TMCO4: variants seen among roughly 807,000 people sequenced by gnomAD.
The protein encoded by TMCO4 is transmembrane and coiled-coil domain-containing protein 4.
A neutral mutation model predicts 64.7 loss-of-function variants in TMCO4; 58 were observed. The observed-to-expected ratio is 0.90, with a 90% confidence interval of 0.73 to 1.12. TMCO4 has a LOEUF of 1.12. Among genes scored for constraint, TMCO4 ranks in the 50% most tolerant of loss-of-function variants. The pLI, the probability that TMCO4 is intolerant of heterozygous loss-of-function variation, is 0.00. For missense variants in TMCO4, 780 were observed against 825.9 expected, an observed-to-expected ratio of 0.94 and a Z score of 0.68; for synonymous variants, 325 against 346.1, an observed-to-expected ratio of 0.94 and a Z score of 0.68.
intron 4 of TMCO4, among the ~76,000 whole-genome samples, chr1:19,775,824 G>A (rs2043179721): frequency 6.6e-6 from 1 of 152,248 alleles, no homozygotes; most frequent in African/African-American, 2.4e-5. Context: ...TATCCTGTGG[G>A]ATCAAGAACG....
intron 13 of TMCO4, among the ~76,000 whole-genome samples, chr1:19,708,880 G>C (rs547588824): frequency 6.6e-6 from 1 of 152,326 alleles, no homozygotes; most frequent in Admixed American, 6.5e-5. Flanking sequence ...CTCCCTCCTG[G>C]TGGGGGTTCA....
At chr1:19,785,043 G>GT (rs1213023894) in intron 3 of TMCO4, among the ~76,000 whole-genome samples, 1 of 152,058 alleles carries the variant, frequency 6.6e-6, no homozygotes, top group Non-Finnish European at 1.5e-5. Context: ...CCCCACACCG[G>GT]TCTTGTTCAC....
intron 7 of TMCO4, among the ~76,000 whole-genome samples, chr1:19,754,933 T>C (rs995583611): frequency 3.9e-5 from 6 of 151,986 alleles, no homozygotes; most frequent in African/African-American, 1.5e-4. Context: ...GATAAGAACA[T>C]TGCAGCTTAA....
At position 19,740,801 on chromosome 1, in the gene TMCO4, C is replaced by T. The variant is rs1270209247; in HGVS notation, c.1018G>A (p.Ala340Thr). The part of the protein sequence containing the change: ...SGLANMVAQE[A>T]LKYTVLSGIV... ...CCAGACAACACTGTGTACTTTAGGG[C>T]CTCCTGGGCCACCATGTTGGCGAGA... Residue 340 changes from alanine to threonine, a missense_variant, in exon 11 of 16, where the codon GCC becomes ACC. Ala to Thr is a moderately conservative substitution (Grantham distance 58). Coordinates refer to ENST00000294543, the MANE Select transcript of TMCO4 (RefSeq NM_181719.7). 1.2e-6 allele frequency: 2 copies of T among 1,613,186 alleles called. No homozygotes were observed. The highest frequency in any genetic ancestry group is 1.1e-5 in the South Asian group (1 of 90,868).
chr1:19,770,665 G>T, intron 5 of TMCO4, 96 bp from the exon 6 acceptor site: 1 of 1,322,378 alleles, frequency 7.6e-7, no homozygotes, highest in Non-Finnish European at 1.0e-6. Flanking sequence ...GGCAGAACAA[G>T]ACAGACAAAA....
chr1:19,697,891 G>T (rs35129869), intron 14 of TMCO4, among the ~76,000 whole-genome samples: 19,792 of 151,840 alleles, frequency 0.13, 1,574 homozygotes, highest in East Asian at 0.27. Context: ...TGGGATTACA[G>T]GTGTGAGCCA....
At chr1:19,700,080 T>G (rs1312107995) in intron 14 of TMCO4, among the ~76,000 whole-genome samples, 1 of 152,154 alleles carries the variant, frequency 6.6e-6, no homozygotes, top group Non-Finnish European at 1.5e-5. Flanking sequence ...CTCAGGCCAA[T>G]CTTAGAGGGC....
intron 14 of TMCO4, among the ~76,000 whole-genome samples, chr1:19,697,798 A>C (rs2095246923): frequency 2.9e-5 from 4 of 139,814 alleles, no homozygotes; most frequent in Non-Finnish European, 4.6e-5. Flanking sequence ...TTTTGTGGAC[A>C]CAGGTTTTGC....
chr1:19,777,230 C>G (rs1298089880), intron 4 of TMCO4, among the ~76,000 whole-genome samples: 1 of 152,046 alleles, frequency 6.6e-6, no homozygotes, highest in Non-Finnish European at 1.5e-5. Flanking sequence ...GCCCTCTGCC[C>G]TCTTCCTTCC....
At chr1:19,700,213 G>T (rs7546294) in intron 14 of TMCO4, among the ~76,000 whole-genome samples, 3,944 of 152,178 alleles carry the variant, frequency 0.026, 162 homozygotes, top group African/African-American at 0.089. Context: ...GCAGCCGCCA[G>T]CCTTCACGGG....
At position 19,683,373 on chromosome 1, in the gene TMCO4, T is replaced by C. The variant is rs1272503477; in HGVS notation, c.1572A>G (p.Pro524=). The C allele has an allele frequency of 6.2e-7, 1 of 1,613,902 alleles. No individual in the cohort carries two copies. Residue 524 remains proline (P), a synonymous_variant, in exon 16 of 16, where the codon CCA becomes CCG. Transcript: ENST00000294543. ...ILKAVGIRTK[P]GWDEKGLLLA... ...GCAAGAGCCCCTTCTCGTCCCAGCC[T>C]GGCTTGGTGCGGATGCCCACGGCCT... is the stretch of plus-strand genomic sequence containing the variant.
At chr1:19,711,832 T>A (rs996743963) in intron 13 of TMCO4, among the ~76,000 whole-genome samples, 3 of 152,086 alleles carry the variant, frequency 2.0e-5, no homozygotes, top group African/African-American at 7.2e-5. Context: ...TAATTTTGTA[T>A]TTTTAGTAGA....
rs150757311 is a variant in TMCO4, at chr1:19,705,221, C to A, written c.1265-4336G>T. Among the ~76,000 whole-genome samples the A allele has an allele frequency of 7.1e-3, 1,086 of 152,166 alleles. 15 individuals carry two copies. The highest frequency in any genetic ancestry group is 0.024 in the African/African-American group (1,011 of 41,498). ...ATCCCAGCACTTTGGGAGGCTGAGG[C>A]GGATGGATCACCTGAGGTCAGGAGT... On this transcript the variant is annotated intron_variant, in intron 13 of 15. Coordinates refer to ENST00000294543, the MANE Select transcript of TMCO4 (RefSeq NM_181719.7).
intron 3 of TMCO4, among the ~76,000 whole-genome samples, chr1:19,784,429 G>C (rs1340727224): frequency 1.3e-5 from 2 of 152,140 alleles, no homozygotes; most frequent in Admixed American, 1.3e-4. Flanking sequence ...AGCTACTCGG[G>C]AGGCTGAGGC....
At chr1:19,770,624 C>T in intron 5 of TMCO4, 55 bp from the exon 6 acceptor site, 5 of 1,559,858 alleles carry the variant, frequency 3.2e-6, no homozygotes, top group Non-Finnish European at 3.5e-6. Flanking sequence ...ATACAGCGCG[C>T]TCATTTGACA....
intron 13 of TMCO4, among the ~76,000 whole-genome samples, chr1:19,707,018 T>C (rs1480067566): frequency 7.2e-5 from 11 of 152,238 alleles, no homozygotes; most frequent in Non-Finnish European, 2.9e-5. Context: ...AGTCAGATCA[T>C]GTCACCTTTG....
At chr1:19,747,339 A>C in intron 7 of TMCO4, 79 bp from the exon 8 acceptor site, 2 of 1,211,726 alleles carry the variant, frequency 1.7e-6, no homozygotes, top group East Asian at 2.4e-5. Context: ...CAACCCTCAA[A>C]CAGGGGCCAA....
intron 6 of TMCO4, among the ~76,000 whole-genome samples, chr1:19,766,158 C>T (rs1246024678): frequency 6.6e-6 from 1 of 152,218 alleles, no homozygotes; most frequent in East Asian, 1.9e-4. Flanking sequence ...TTCTATTGCA[C>T]CCTCCTTTTT....
intron 7 of TMCO4, chr1:19,750,168 T>C (rs2041964424): frequency 6.6e-6 from 1 of 152,228 alleles, no homozygotes; most frequent in African/African-American, 2.4e-5. Flanking sequence ...AGATATACTT[T>C]GACCCTGAAC....
Sources: gnomAD v4.1 joint callset for allele counts (sites outside exome capture counted in the v4.1 genomes callset) on GRCh38, gnomAD v4.1.1 for gene constraint, MANE v1.5 for transcripts, NCBI Gene and HGNC (gene_info 2026-07-23, HGNC 2026-07-21) for gene names.